TIMM17A: variants seen among roughly 807,000 people sequenced by gnomAD.
TIMM17A encodes the protein mitochondrial import inner membrane translocase subunit Tim17-A.
A neutral mutation model predicts 26.5 loss-of-function variants in TIMM17A; 15 were observed. The ratio of observed to expected loss-of-function variants is 0.57; its 90% confidence interval spans 0.38 to 0.87. The LOEUF (loss-of-function observed/expected upper bound fraction) is 0.87. TIMM17A is among the 40% of genes least tolerant of loss of function. The pLI is 0.00. For synonymous variants in TIMM17A, 80 were observed against 70.8 expected, an observed-to-expected ratio of 1.13 and a Z score of -0.66; for missense variants, 201 against 210.0, an observed-to-expected ratio of 0.96 and a Z score of 0.27.
At chr1:201,959,846 A>C (rs867989599) in intron 3 of TIMM17A, among the ~76,000 whole-genome samples, 8 of 149,858 alleles carry the variant, frequency 5.3e-5, no homozygotes, top group Non-Finnish European at 7.4e-5. Flanking sequence ...ACAACAACAA[A>C]AAAAATTAGC....
intron 5 of TIMM17A, 141 bp from the exon 6 acceptor site, chr1:201,969,328 A>G (rs1345888063): frequency 3.0e-6 from 2 of 655,826 alleles, no homozygotes; most frequent in Non-Finnish European, 5.2e-6. Context: ...AATTAGGCAG[A>G]TCTATAAAGA....
intron 5 of TIMM17A, 84 bp from the exon 6 acceptor site, chr1:201,969,385 T>C (rs766235891): frequency 5.5e-6 from 6 of 1,092,318 alleles, no homozygotes; most frequent in Non-Finnish European, 8.1e-6. Flanking sequence ...TGTTGTTGAT[T>C]GATTTACTCT....
In TIMM17A at chr1:201,970,398, T is replaced by G. The variant is rs990671734; in HGVS notation, c.*844T>G. ...ATGTATTTTGGGGTCTGGTTGGGCC[T>G]GGAAAATGGATGAGCACTTCAGAAC... On this transcript the variant is annotated 3_prime_UTR_variant, in exon 6 of 6. Transcript: ENST00000367287. 2 of 152,246 alleles carry G rather than the reference T, an allele frequency of 1.3e-5. No individual in the cohort carries two copies. Among genetic ancestry groups the G allele is most frequent in the Non-Finnish European group, 2.9e-5 (2 of 68,046 alleles). The allele number at this position is 152,246 out of a possible 1,614,324, so 9.4% of individuals were successfully genotyped here. A position where few individuals can be genotyped will look rare whatever the true frequency, so the allele number is the denominator to read the frequency against.
At chr1:201,958,373 T>TA (rs1445454185) in intron 3 of TIMM17A, among the ~76,000 whole-genome samples, 1 of 152,054 alleles carries the variant, frequency 6.6e-6, no homozygotes, top group Non-Finnish European at 1.5e-5. Flanking sequence ...AAAAGGGAGG[T>TA]GACAAAAAAT....
At chr1:201,963,996 A>G (rs1368607074) in intron 4 of TIMM17A, among the ~76,000 whole-genome samples, 2 of 152,098 alleles carry the variant, frequency 1.3e-5, no homozygotes, top group Non-Finnish European at 2.9e-5. Flanking sequence ...GTGCATGCCT[A>G]TAGTCCCAGC....
At chr1:201,957,768 A>G (rs2102941197) in intron 3 of TIMM17A, 194 bp downstream of exon 3, 1 of 527,966 alleles carries the variant, frequency 1.9e-6, no homozygotes, top group Non-Finnish European at 3.3e-6. Context: ...ACCCATTTGA[A>G]AATCTTGTCT....
intron 4 of TIMM17A, among the ~76,000 whole-genome samples, chr1:201,964,122 T>G (rs995872683): frequency 1.3e-5 from 2 of 152,140 alleles, no homozygotes; most frequent in African/African-American, 4.8e-5. Flanking sequence ...TTGTTTAATT[T>G]GGCATAGCAT....
At chr1:201,955,663 C>T in intron 1 of TIMM17A, 111 bp downstream of exon 1, 11 of 1,477,128 alleles carry the variant, frequency 7.4e-6, no homozygotes, top group Non-Finnish European at 1.0e-5. Context: ...GCCTCGTCGA[C>T]TTGGGCCTGG....
chr1:201,958,457 G>T (rs1682468717), intron 3 of TIMM17A, among the ~76,000 whole-genome samples: 1 of 152,254 alleles, frequency 6.6e-6, no homozygotes, highest in African/African-American at 2.4e-5. Flanking sequence ...AATCCCAGCA[G>T]TTTGGGAGGC....
At chr1:201,967,313 C>G (rs1477220756) in intron 5 of TIMM17A, among the ~76,000 whole-genome samples, 1 of 151,940 alleles carries the variant, frequency 6.6e-6, no homozygotes, top group Non-Finnish European at 1.5e-5. Flanking sequence ...TTCCTTACTT[C>G]TGAGTTAACA....
intron 1 of TIMM17A, among the ~76,000 whole-genome samples, chr1:201,956,074 GCTT>G (rs1210842834): frequency 1.3e-5 from 2 of 152,162 alleles, no homozygotes; most frequent in South Asian, 2.1e-4. Flanking sequence ...GTCTGGATAA[GCTT>G]CTTTATTGCG....
chr1:201,958,889 T>C (rs1682474460), intron 3 of TIMM17A, among the ~76,000 whole-genome samples: 1 of 152,196 alleles, frequency 6.6e-6, no homozygotes, highest in African/African-American at 2.4e-5. Context: ...GATGAGGAAA[T>C]TTAGTTCCTG....
At chr1:201,962,468 T>A (rs1012351402) in intron 3 of TIMM17A, 16 of 152,282 alleles carry the variant, frequency 1.1e-4, no homozygotes, top group African/African-American at 3.1e-4. Flanking sequence ...TGCCTCGGCC[T>A]CCAGAGTAGC....
chr1:201,969,404 A>G, intron 5 of TIMM17A, 65 bp from the exon 6 acceptor site: 2 of 1,284,050 alleles, frequency 1.6e-6, no homozygotes, highest in East Asian at 2.4e-5. Flanking sequence ...CTCTATAGAG[A>G]TTTGTTCTTT....
In TIMM17A at chr1:201,965,689, A is replaced by G. The variant is rs967321921; in HGVS notation, c.430+146A>G. 7 of 655,564 alleles carry G rather than the reference A, an allele frequency of 1.1e-5. No homozygotes were observed. In the African/African-American group the frequency reaches 1.3e-4, roughly 12 times the overall value. The allele number at this position is 655,564 out of a possible 1,614,324, so 40.6% of individuals were successfully genotyped here. On this transcript the variant is annotated intron_variant, in intron 5 of 5. Transcript: ENST00000367287. ...GACTGTGATAATAGGTAAAAAATGA[A>G]CATGTTATATTTAGCCACAAAAACA... is the stretch of plus-strand genomic sequence containing the variant.
chr1:201,957,803 T>TC, intron 3 of TIMM17A: 4 of 443,944 alleles, frequency 9.0e-6, no homozygotes, highest in Non-Finnish European at 1.2e-5. Context: ...CTCGGTGATT[T>TC]TTTTTTTTTT....
At chr1:201,969,434 G>T in intron 5 of TIMM17A, 35 bp from the exon 6 acceptor site, 2 of 1,488,022 alleles carry the variant, frequency 1.3e-6, no homozygotes, top group Non-Finnish European at 1.9e-6. Context: ...TAATATTCAG[G>T]TGATTTTTAA....
At chr1:201,959,804 C>G (rs904702186) in intron 3 of TIMM17A, among the ~76,000 whole-genome samples, 1 of 151,386 alleles carries the variant, frequency 6.6e-6, no homozygotes, top group African/African-American at 2.4e-5. Flanking sequence ...GAAACCCCAT[C>G]TCTACTAAAA....
chr1:201,970,397 C>A lies in TIMM17A; in HGVS notation c.*843C>A, dbSNP rs958760312. 1 of 152,168 alleles carries A rather than the reference C, an allele frequency of 6.6e-6. No homozygotes were observed. Among genetic ancestry groups the A allele is most frequent in the African/African-American group, 2.4e-5 (1 of 41,436 alleles). 9.4% of individuals were successfully genotyped at this position (152,168 alleles called of 1,614,324 possible). On this transcript the variant is annotated 3_prime_UTR_variant, in exon 6 of 6. Transcript: ENST00000367287. Reference sequence around the variant, plus strand: ...GATGTATTTTGGGGTCTGGTTGGGCCTGGAAAATGGATGAGCACTTCAGAA... The same window carrying A: ...GATGTATTTTGGGGTCTGGTTGGGCATGGAAAATGGATGAGCACTTCAGAA...
Sources: gnomAD v4.1 joint callset for allele counts (sites outside exome capture counted in the v4.1 genomes callset) on GRCh38, gnomAD v4.1.1 for gene constraint, MANE v1.5 for transcripts, NCBI Gene and HGNC (gene_info 2026-07-23, HGNC 2026-07-21) for gene names.